Variants in NYX observed in about 807,000 individuals in gnomAD.
NYX encodes the protein leucine-rich repeat protein.
For synonymous variants in NYX, 258 were observed against 245.7 expected (o/e 1.05, Z -0.47); for missense variants, 481 against 485.4 (o/e 0.99, Z 0.09).
intron 2 of NYX, among the ~76,000 whole-genome samples, chrX:41,448,312 G>A (rs190762523): frequency 9.0e-6 from 1 of 110,613 alleles, no homozygotes; most frequent in South Asian, 3.8e-4. Flanking sequence ...GTGCGACCTC[G>A]GCACACTGCA....
At position 41,473,784 on chromosome X, in the gene NYX, C is replaced by G. The variant is rs1349893010; in HGVS notation, c.316C>G (p.Arg106Gly). 8.8e-7 allele frequency: 1 copy of G among 1,140,267 alleles called. No individual in the cohort carries two copies. Among genetic ancestry groups the G allele is most frequent in the African/African-American group, 1.9e-5 (1 of 53,770 alleles). The allele number at this position is 1,140,267 out of a possible 1,213,427, so 94.0% of individuals were successfully genotyped here. Reference protein sequence around the residue: ...ITPGAFKGLPRLAELRLAHNG... With the variant: ...ITPGAFKGLPGLAELRLAHNG... ...GCCCGGCGCCTTCAAGGGCCTGCCG[C>G]GCCTGGCTGAGCTGCGCCTGGCGCA... Residue 106 changes from arginine (R) to glycine (G), a missense_variant, in exon 3 of 3, where the codon CGC becomes GGC. Arg to Gly is a moderately radical substitution (Grantham distance 125). Coordinates refer to ENST00000378220, the MANE Select transcript of NYX (RefSeq NM_001378477.3).
rs1305288548 is a variant in NYX at position 41,473,519 on chromosome X, G to T, written c.51G>T (p.Trp17Cys). The change falls in exon 3 of 3, where the codon TGG becomes TGT. Residue 17 changes from tryptophan to cysteine, a missense_variant. By Grantham distance (215) the Trp-to-Cys change is radical. Transcript: ENST00000378220. Reference sequence around the variant, plus strand: ...TGGTCCTCGGCCTGCCCAGCGCCTGGGCCGTGGGGGCCTGCGCCCGCGCTT... The same window carrying T: ...TGGTCCTCGGCCTGCCCAGCGCCTGTGCCGTGGGGGCCTGCGCCCGCGCTT... The part of the protein sequence containing the change: ...HAVVLGLPSA[W>C]AVGACARACP... 1 of 992,784 alleles carries T rather than the reference G, an allele frequency of 1.0e-6. No homozygotes were observed. Among genetic ancestry groups the T allele is most frequent in the Non-Finnish European group, 1.3e-6 (1 of 786,556 alleles). The allele number at this position is 992,784 out of a possible 1,213,427, so 81.8% of individuals were successfully genotyped here.
rs189568839 is a variant in NYX, at chrX:41,450,977, C to T, written c.22+3051C>T. Among the ~76,000 whole-genome samples, 302 of 104,954 alleles carry T rather than the reference C, an allele frequency of 2.9e-3. 3 individuals are homozygous for T. The highest frequency in any genetic ancestry group is 9.5e-3 in the African/African-American group (272 of 28,741). 91.1% of individuals were successfully genotyped at this position (104,954 alleles called of 115,157 possible). ...CTGGGATTACAGGTGTGAGCCACCA[C>T]GCCCAGCCATAATTTTTGCATTTTT... On this transcript the variant is annotated intron_variant, in intron 2 of 2. Transcript: ENST00000378220.
intron 2 of NYX, among the ~76,000 whole-genome samples, chrX:41,461,601 T>C (rs775633377): frequency 4.0e-4 from 44 of 110,582 alleles, no homozygotes; most frequent in African/African-American, 1.3e-3. Context: ...CTTTAAGGGA[T>C]CTCCACACTG....
chrX:41,452,427 A>G (rs887712901), intron 2 of NYX, among the ~76,000 whole-genome samples: 2 of 111,928 alleles, frequency 1.8e-5, no homozygotes, highest in African/African-American at 6.5e-5. Context: ...CTGTACCAGA[A>G]GCAGAAAAAA....
At chrX:41,448,031 G>A (rs2064264734) in intron 2 of NYX, 105 bp downstream of exon 2, 3 of 787,226 alleles carry the variant, frequency 3.8e-6, no homozygotes, top group African/African-American at 4.1e-5. Context: ...GCGGTATCTG[G>A]ACACTTCTGA....
At chrX:41,472,366 G>A in intron 2 of NYX, 1 of 1,158,750 alleles carries the variant, frequency 8.6e-7, no homozygotes, top group African/African-American at 1.8e-5. Flanking sequence ...CCACATCCAT[G>A]TCGGTGGCTC....
intron 2 of NYX, among the ~76,000 whole-genome samples, chrX:41,455,266 C>T (rs777956765): frequency 3.1e-4 from 34 of 109,795 alleles, no homozygotes; most frequent in African/African-American, 9.9e-4. Context: ...CCACCATGCC[C>T]GGCTAATTTT....
rs1379842539 is a variant in NYX, at chrX:41,447,849, G to C, written c.-56G>C. On this transcript the variant is annotated splice_region_variant and 5_prime_UTR_variant, in exon 2 of 3. Coordinates refer to ENST00000378220, the MANE Select transcript of NYX (RefSeq NM_001378477.3). ...GGTGACCTGTCCTTTCTCCCCTCAG[G>C]TAGGGGTCCCACGGCTGGGTGGTCC... The C allele has an allele frequency of 1.7e-6, 2 of 1,202,958 alleles. No individual in the cohort carries two copies. Among genetic ancestry groups the C allele is most frequent in the African/African-American group, 3.5e-5 (2 of 57,084 alleles).
At chrX:41,463,401 T>G (rs1302986154) in intron 2 of NYX, among the ~76,000 whole-genome samples, 3 of 104,171 alleles carry the variant, frequency 2.9e-5, no homozygotes, top group African/African-American at 1.1e-4. Flanking sequence ...TTTAAGCAAT[T>G]AAGGTGAGAA....
chrX:41,461,773 C>T (rs1057035502), intron 2 of NYX, among the ~76,000 whole-genome samples: 4 of 111,463 alleles, frequency 3.6e-5, no homozygotes, highest in Admixed American at 2.9e-4. Context: ...TTGCATTTCT[C>T]TGATCATTAA....
At chrX:41,470,970 T>C (rs1032419484) in intron 2 of NYX, among the ~76,000 whole-genome samples, 1 of 111,267 alleles carries the variant, frequency 9.0e-6, no homozygotes, top group African/African-American at 3.3e-5. Flanking sequence ...GGGGCTGCTA[T>C]TTCTCACGGC....
At chrX:41,460,992 G>T (rs1199580378) in intron 2 of NYX, among the ~76,000 whole-genome samples, 3 of 90,651 alleles carry the variant, frequency 3.3e-5, no homozygotes, top group African/African-American at 4.2e-5. Flanking sequence ...TTTTTTTTTG[G>T]CAATTTTAAC....
At chrX:41,450,839 T>A (rs867815539) in intron 2 of NYX, among the ~76,000 whole-genome samples, 13,280 of 79,562 alleles carry the variant, frequency 0.17, 1,165 homozygotes, top group East Asian at 0.49. Flanking sequence ...TTTTTTTTTT[T>A]TTTTTTTTTT....
intron 2 of NYX, among the ~76,000 whole-genome samples, chrX:41,465,825 G>A (rs1309321941): frequency 9.2e-6 from 1 of 108,663 alleles, no homozygotes; most frequent in Non-Finnish European, 1.9e-5. Flanking sequence ...GCCCAGCTGG[G>A]ACCTTGAACT....
chrX:41,465,101 C>G lies in NYX; in HGVS notation c.23-8390C>G, dbSNP rs779131523. Among the ~76,000 whole-genome samples, 93 of 111,503 alleles carry G rather than the reference C, an allele frequency of 8.3e-4. 1 individual carries two copies. Among genetic ancestry groups the G allele is most frequent in the South Asian group, 1.5e-3 (4 of 2,695 alleles). On this transcript the variant is annotated intron_variant, in intron 2 of 2. Transcript: ENST00000378220. ...TTCCCCATGTCTTTGCCCATGATCC[C>G]TATCTTTTCCTGTAAATTCCTTAAC...
At chrX:41,452,823 G>T (rs2064285653) in intron 2 of NYX, among the ~76,000 whole-genome samples, 1 of 111,458 alleles carries the variant, frequency 9.0e-6, no homozygotes, top group African/African-American at 3.3e-5. Flanking sequence ...TGTCACAAAA[G>T]GTACCTGCAT....
rs1255476959 is a variant in NYX at position 41,473,677 on chromosome X, G to A, written c.209G>A (p.Arg70His). The A allele has an allele frequency of 1.8e-6, 2 of 1,123,993 alleles. No homozygotes were observed. Among genetic ancestry groups the A allele is most frequent in the Admixed American group, 2.8e-5 (1 of 36,096 alleles). 92.6% of individuals were successfully genotyped at this position (1,123,993 alleles called of 1,213,427 possible). A position where few individuals can be genotyped will look rare whatever the true frequency, so the allele number is the denominator to read the frequency against. The change falls in exon 3 of 3, where the codon CGC becomes CAC. Residue 70 changes from arginine (R) to histidine (H), a missense_variant. By Grantham distance (29) the Arg-to-His change is conservative (BLOSUM62 0). Transcript: ENST00000378220. ...VSIDLDRNGL[R>H]FLGERAFGTL... is the part of the protein sequence containing the mutation. ...ATCGACCTGGACCGGAACGGCCTGC[G>A]CTTCCTGGGCGAGCGAGCCTTCGGC...
At chrX:41,469,458 C>G (rs2064351487) in intron 2 of NYX, among the ~76,000 whole-genome samples, 1 of 111,200 alleles carries the variant, frequency 9.0e-6, no homozygotes, top group Non-Finnish European at 1.9e-5. Context: ...AAACATTGTG[C>G]ATCTACCATG....
Sources: allele counts gnomAD v4.1 joint callset (sites outside exome capture counted in the v4.1 genomes callset), GRCh38; gene constraint gnomAD v4.1.1; transcripts MANE v1.5; gene names NCBI Gene and HGNC (gene_info 2026-07-23, HGNC 2026-07-21).